Variants in ZFPM2 observed in about 807,000 individuals in gnomAD.
The protein encoded by ZFPM2 is zinc finger protein ZFPM2.
Under a neutral mutation model 98.6 loss-of-function variants are expected in ZFPM2, and 20 were observed. That is an observed-to-expected ratio of 0.20 (90% confidence interval 0.14 to 0.29). The LOEUF (loss-of-function observed/expected upper bound fraction) is 0.29. Ranked by LOEUF, ZFPM2 falls within the 10% of genes least tolerant of loss-of-function variation. ZFPM2 has a pLI of 1.00. For synonymous variants in ZFPM2, 518 were observed against 502.7 expected (o/e 1.03, Z -0.41); for missense variants, 1,310 against 1,388.6 (o/e 0.94, Z 0.90).
intron 3 of ZFPM2, among the ~76,000 whole-genome samples, chr8:105,507,701 C>T (rs1813731235): frequency 6.6e-6 from 1 of 152,132 alleles, no homozygotes; most frequent in Non-Finnish European, 1.5e-5. Flanking sequence ...GGTGGTTTCA[C>T]TACAGTGTGC....
intron 3 of ZFPM2, among the ~76,000 whole-genome samples, chr8:105,508,700 C>G (rs185127409): frequency 1.7e-3 from 256 of 152,002 alleles, no homozygotes; most frequent in African/African-American, 5.8e-3. Flanking sequence ...AGCCTTATCT[C>G]GGGGCTCTTC....
chr8:105,769,980 T>G (rs1812946203), intron 5 of ZFPM2, among the ~76,000 whole-genome samples: 1 of 152,120 alleles, frequency 6.6e-6, no homozygotes, highest in Non-Finnish European at 1.5e-5. Context: ...CTTATATGTG[T>G]TAAAAACATT....
chr8:105,392,764 C>G (rs1251914527), intron 1 of ZFPM2, among the ~76,000 whole-genome samples: 1 of 152,168 alleles, frequency 6.6e-6, no homozygotes, highest in Non-Finnish European at 1.5e-5. Context: ...GTAGAGATGT[C>G]TTTGAAACAT....
At chr8:105,495,996 A>T (rs1813459070) in intron 3 of ZFPM2, among the ~76,000 whole-genome samples, 1 of 152,224 alleles carries the variant, frequency 6.6e-6, no homozygotes, top group African/African-American at 2.4e-5. Flanking sequence ...TTACGTAGCC[A>T]TATTAGGATT....
chr8:105,690,970 T>A (rs1372266953), intron 5 of ZFPM2: 1 of 152,114 alleles, frequency 6.6e-6, no homozygotes, highest in Non-Finnish European at 1.5e-5. Context: ...TGCCTAAGAG[T>A]AACTCTTCCA....
intron 5 of ZFPM2, among the ~76,000 whole-genome samples, chr8:105,771,745 C>T (rs889384267): frequency 3.3e-5 from 5 of 152,052 alleles, no homozygotes; most frequent in East Asian, 1.9e-4. Flanking sequence ...TGTGAAGGGC[C>T]GACCTTGAAA....
At chr8:105,593,149 A>G (rs1483722986) in intron 4 of ZFPM2, among the ~76,000 whole-genome samples, 2 of 152,112 alleles carry the variant, frequency 1.3e-5, no homozygotes, top group Non-Finnish European at 2.9e-5. Flanking sequence ...TATGCTTCTT[A>G]TATGTGTGTA....
chr8:105,709,765 T>G (rs1811337591), intron 5 of ZFPM2, among the ~76,000 whole-genome samples: 1 of 152,126 alleles, frequency 6.6e-6, no homozygotes, highest in South Asian at 2.1e-4. Flanking sequence ...TTTTGTAGTC[T>G]GATACCTGAA....
At chr8:105,467,456 C>A (rs1812815438) in intron 3 of ZFPM2, among the ~76,000 whole-genome samples, 1 of 151,942 alleles carries the variant, frequency 6.6e-6, no homozygotes, top group African/African-American at 2.4e-5. Flanking sequence ...AAATAACTGG[C>A]TTTTTAAAAA....
At chr8:105,365,217 T>A (rs2129781550) in intron 1 of ZFPM2, among the ~76,000 whole-genome samples, 1 of 152,256 alleles carries the variant, frequency 6.6e-6, no homozygotes, top group African/African-American at 2.4e-5. Flanking sequence ...CACTGATAGG[T>A]GAGTGGAAGA....
intron 1 of ZFPM2, among the ~76,000 whole-genome samples, chr8:105,379,289 ACAAAT>A (rs1810793108): frequency 1.3e-5 from 2 of 152,342 alleles, no homozygotes; most frequent in South Asian, 4.1e-4. Context: ...AAGTTTTAAA[ACAAAT>A]CAAATTCCCA....
At chr8:105,385,809 C>T (rs910525427) in intron 1 of ZFPM2, among the ~76,000 whole-genome samples, 46 of 152,136 alleles carry the variant, frequency 3.0e-4, no homozygotes, top group Non-Finnish European at 4.4e-4. Context: ...AGTGTGCTTC[C>T]TATTCCCTCC....
intron 1 of ZFPM2, among the ~76,000 whole-genome samples, chr8:105,393,059 C>G (rs1811139206): frequency 6.6e-6 from 1 of 152,160 alleles, no homozygotes; most frequent in African/African-American, 2.4e-5. Flanking sequence ...CCTCAATGTT[C>G]TCATCTGTGT....
chr8:105,403,992 AAACAACAACAACAACAAC>A (rs58138715), intron 1 of ZFPM2, among the ~76,000 whole-genome samples: 52 of 147,622 alleles, frequency 3.5e-4, no homozygotes, highest in African/African-American at 1.2e-3. Flanking sequence ...ATTGGTGTTA[AAACAACAACAACAACAAC>A]AACAACAACA....
Position 105,440,995 on chromosome 8 carries a change from C to CA in ZFPM2, c.200-3275dup, listed in dbSNP as rs34981992. ...TGAAACCCCGTCTCTACTAAAAATA[C>CA]AAAAAAAAAATTAGCCAGGCATGGT... On this transcript the variant is annotated intron_variant, in intron 2 of 7. Coordinates refer to ENST00000407775, the MANE Select transcript of ZFPM2 (RefSeq NM_012082.4). Among the ~76,000 whole-genome samples the CA allele has an allele frequency of 1.7e-3, 246 of 147,882 alleles. 2 individuals are homozygous for CA. The highest frequency in any genetic ancestry group is 0.01 in the Admixed American group (155 of 14,842).
chr8:105,728,146 G>C (rs1811856632), intron 5 of ZFPM2, among the ~76,000 whole-genome samples: 1 of 151,594 alleles, frequency 6.6e-6, no homozygotes, highest in Non-Finnish European at 1.5e-5. Flanking sequence ...ACTCACATTA[G>C]AGAAGGTATT....
Position 105,469,092 on chromosome 8 carries a change from A to G in ZFPM2, c.301+24711A>G, listed in dbSNP as rs183655229. On this transcript the variant is annotated intron_variant, in intron 3 of 7. Coordinates refer to ENST00000407775, the MANE Select transcript of ZFPM2 (RefSeq NM_012082.4). ...CTTCAGAGCACACAAATCTAGAAAC[A>G]TTGTAGCTTAGAGGTATTGTAACCA... 5.2e-3 allele frequency among the ~76,000 whole-genome samples: 795 copies of G among 152,260 alleles called. 35 individuals are homozygous for G. The highest frequency in any genetic ancestry group is 0.045 in the Admixed American group (687 of 15,286).
At chr8:105,581,652 C>G (rs529624344) in intron 4 of ZFPM2, among the ~76,000 whole-genome samples, 5 of 152,158 alleles carry the variant, frequency 3.3e-5, no homozygotes, top group Non-Finnish European at 7.4e-5. Flanking sequence ...AATAAAACGG[C>G]AATTTTCCCC....
intron 1 of ZFPM2, among the ~76,000 whole-genome samples, chr8:105,339,387 A>G (rs1586301625): frequency 6.6e-6 from 1 of 151,954 alleles, no homozygotes; most frequent in Admixed American, 6.6e-5. Context: ...AAAAAGAAAC[A>G]TGCACATACA....
Sources: allele counts gnomAD v4.1 joint callset (sites outside exome capture counted in the v4.1 genomes callset), GRCh38; gene constraint gnomAD v4.1.1; transcripts MANE v1.5; gene names NCBI Gene and HGNC (gene_info 2026-07-23, HGNC 2026-07-21).